CYP24A1: variants seen among roughly 807,000 people sequenced by gnomAD.
CYP24A1 encodes the protein 1,25-dihydroxyvitamin D(3) 24-hydroxylase, mitochondrial.
CYP24A1 carries 68 observed loss-of-function variants against 62.4 expected under a neutral mutation model. The observed-to-expected ratio is 1.09, with a 90% CI of 0.90 to 1.33. The LOEUF (loss-of-function observed/expected upper bound fraction) is 1.33, where lower values mean the gene tolerates loss of function less well. Among genes scored for constraint, CYP24A1 ranks in the 40% most tolerant of loss-of-function variants. The pLI is 0.00. For missense variants in CYP24A1, 787 were observed against 653.0 expected, an observed-to-expected ratio of 1.21 and a Z score of -2.24; for synonymous variants, 267 against 253.0, an observed-to-expected ratio of 1.06 and a Z score of -0.52.
At chr20:54,166,843 G>A (rs908964788) in intron 4 of CYP24A1, among the ~76,000 whole-genome samples, 1 of 152,022 alleles carries the variant, frequency 6.6e-6, no homozygotes, top group African/African-American at 2.4e-5. Flanking sequence ...AATAGCCTGG[G>A]CAACATGGCA....
At chr20:54,164,589 A>T (rs1161532863) in intron 5 of CYP24A1, 26 bp from the exon 6 acceptor site, 4 of 1,613,960 alleles carry the variant, frequency 2.5e-6, no homozygotes, top group Non-Finnish European at 3.4e-6. Flanking sequence ...ATGCCTTTTT[A>T]TTCTGAATTC....
Position 54,173,574 on chromosome 20 carries a change from G to T in CYP24A1, c.6C>A (p.Ser2Arg). The change falls in exon 1 of 12, where the codon AGC (serine) becomes AGA (arginine). Residue 2 changes from serine (S) to arginine (R), a missense_variant. Coordinates refer to ENST00000216862, the MANE Select transcript of CYP24A1 (RefSeq NM_000782.5). The surrounding 1 kb of genome is among the most constrained non-coding windows in gnomAD (Gnocchi z 7.2). MSSPISKSRSLA... is the reference protein window; with the variant it reads MRSPISKSRSLA... ...GCGAGCGGCTCTTGCTGATGGGGGA[G>T]CTCATGGCAGCGGGGGACACCGGAG... The T allele has an allele frequency of 6.3e-7, 1 of 1,575,680 alleles. No individual in the cohort carries two copies. Among genetic ancestry groups the T allele is most frequent in the Non-Finnish European group, 8.6e-7 (1 of 1,166,082 alleles).
chr20:54,171,360 C>T (rs1322148595), intron 3 of CYP24A1, among the ~76,000 whole-genome samples: 1 of 152,108 alleles, frequency 6.6e-6, no homozygotes, highest in Non-Finnish European at 1.5e-5. Flanking sequence ...ATTGCTCCCT[C>T]ATTGTGATAT....
At position 54,173,568 on chromosome 20, in the gene CYP24A1, G is replaced by T; in HGVS notation, c.12C>A (p.Pro4=). The change falls in exon 1 of 12, where the codon CCC becomes CCA. Residue 4 remains proline (P), a synonymous_variant. Coordinates refer to ENST00000216862, the MANE Select transcript of CYP24A1 (RefSeq NM_000782.5). The surrounding 1 kb of genome is among the most constrained non-coding windows in gnomAD (Gnocchi z 7.2). The part of the protein sequence containing the change: MSS[P]ISKSRSLAAF... ...CGGCAAGCGAGCGGCTCTTGCTGAT[G>T]GGGGAGCTCATGGCAGCGGGGGACA... The T allele has an allele frequency of 6.3e-7, 1 of 1,579,182 alleles. No homozygotes were observed. Among genetic ancestry groups the T allele is most frequent in the African/African-American group, 1.3e-5 (1 of 74,646 alleles).
At chr20:54,144,533 G>C in the CYP24A1 span, among the ~76,000 whole-genome samples, 2 of 151,664 alleles carry the variant, frequency 1.3e-5, no homozygotes, top group Non-Finnish European at 2.9e-5. Flanking sequence ...GAGATTACAA[G>C]TGTGAGCCAC....
intron 3 of CYP24A1, 60 bp from the exon 4 acceptor site, chr20:54,169,748 T>C (rs2092687776): frequency 1.2e-6 from 2 of 1,609,092 alleles, no homozygotes; most frequent in Non-Finnish European, 1.7e-6. Context: ...AACAAAACTT[T>C]AAAGCTCACT....
chr20:54,163,054 A>G (rs2146482233), intron 6 of CYP24A1, among the ~76,000 whole-genome samples, 192 bp from the exon 7 acceptor site: 1 of 152,360 alleles, frequency 6.6e-6, no homozygotes, highest in Admixed American at 6.5e-5. Context: ...CAATACCGAC[A>G]TGAGCAAGGC....
At position 54,164,721 on chromosome 20, in the gene CYP24A1, G is replaced by A. The variant is rs144524247; in HGVS notation, c.733-158C>T. On this transcript the variant is annotated intron_variant, in intron 5 of 11. Transcript: ENST00000216862. ...GGCTCTCTCTGCACCGGTCCTGGGAGCAATGCCCGTACCCCACCTCCACCT... is the reference window on the plus strand; with the variant it reads ...GGCTCTCTCTGCACCGGTCCTGGGAACAATGCCCGTACCCCACCTCCACCT... Among the ~76,000 whole-genome samples the A allele has an allele frequency of 2.9e-4, 44 of 152,046 alleles. No homozygotes were observed. The East Asian group carries it at 7.3e-3, about 25-fold the overall frequency.
chr20:54,157,121 G>A (rs1243753817), intron 11 of CYP24A1, 48 bp downstream of exon 11: 4 of 917,974 alleles, frequency 4.4e-6, no homozygotes, highest in South Asian at 2.8e-5. Context: ...CTCATCCCTC[G>A]TCATTCTCAC....
the CYP24A1 span, among the ~76,000 whole-genome samples, chr20:54,146,645 T>C: frequency 0.083 from 12,703 of 152,294 alleles, 662 homozygotes; most frequent in Middle Eastern, 0.17. Flanking sequence ...TCCCACAATA[T>C]GGGACATCCT....
At chr20:54,152,174 A>C (rs533111916), downstream of CYP24A1, among the ~76,000 whole-genome samples, 3 of 152,194 alleles carry the variant, frequency 2.0e-5, no homozygotes, top group African/African-American at 7.2e-5. Flanking sequence ...TGGCACCTGC[A>C]GCCTTCTTCA....
intron 11 of CYP24A1, 81 bp downstream of exon 11, chr20:54,157,088 G>T: frequency 2.7e-6 from 2 of 753,424 alleles, no homozygotes; most frequent in South Asian, 2.9e-5. Flanking sequence ...TCAAACCCCA[G>T]TCTGGCTGAC....
At chr20:54,172,410 A>AT (rs2092697111) in intron 2 of CYP24A1, among the ~76,000 whole-genome samples, 1 of 152,216 alleles carries the variant, frequency 6.6e-6, no homozygotes, top group South Asian at 2.1e-4. Flanking sequence ...CAACTTTGAT[A>AT]TCCCTCCTTA....
intron 9 of CYP24A1, 21 bp from the exon 10 acceptor site, chr20:54,157,606 A>G (rs1414514964): frequency 4.3e-6 from 6 of 1,385,786 alleles, no homozygotes; most frequent in Non-Finnish European, 4.1e-6. Flanking sequence ...GCAGAGACAC[A>G]TAGTATTTAA....
chr20:54,153,758 G>T lies in CYP24A1; in HGVS notation c.*1014C>A, dbSNP rs886056781. ...ACAATTTTTAAGTCTTATAAGTATTGCATGCATTTCTGTGCATTTTACATT... is the reference window on the plus strand; with the variant it reads ...ACAATTTTTAAGTCTTATAAGTATTTCATGCATTTCTGTGCATTTTACATT... On this transcript the variant is annotated 3_prime_UTR_variant, in exon 12 of 12. Coordinates refer to ENST00000216862, the MANE Select transcript of CYP24A1 (RefSeq NM_000782.5). The T allele has an allele frequency of 6.6e-6, 1 of 152,560 alleles. No individual in the cohort carries two copies. The highest frequency in any genetic ancestry group is 1.5e-5 in the Non-Finnish European group (1 of 68,032). The allele number at this position is 152,560 out of a possible 1,614,324, so 9.5% of individuals were successfully genotyped here. A position where few individuals can be genotyped will look rare whatever the true frequency, so the allele number is the denominator to read the frequency against.
downstream of CYP24A1, among the ~76,000 whole-genome samples, chr20:54,153,072 G>A (rs1036029519): frequency 6.6e-5 from 10 of 152,084 alleles, no homozygotes; most frequent in East Asian, 1.3e-3. Flanking sequence ...GAAATGGTTC[G>A]TAACCTCTAC....
chr20:54,153,154 T>C (rs2092615408), downstream of CYP24A1, among the ~76,000 whole-genome samples: 1 of 152,184 alleles, frequency 6.6e-6, no homozygotes, highest in Admixed American at 6.5e-5. Flanking sequence ...CAGGCCGTTC[T>C]ACCCCCCTTT....
chr20:54,168,809 TCCC>T (rs759922979), intron 4 of CYP24A1, among the ~76,000 whole-genome samples: 632 of 55,452 alleles, frequency 0.011, no homozygotes, highest in Middle Eastern at 0.029. Context: ...CCTCCCTCCC[TCCC>T]TCCCTCCTTC....
downstream of CYP24A1, among the ~76,000 whole-genome samples, chr20:54,153,131 G>C (rs559397251): frequency 1.3e-5 from 2 of 152,256 alleles, no homozygotes; most frequent in South Asian, 4.2e-4. Flanking sequence ...AGATACAAGA[G>C]AGAACAGGCT....
Sources: allele counts gnomAD v4.1 joint callset (sites outside exome capture counted in the v4.1 genomes callset), GRCh38; gene constraint gnomAD v4.1.1; non-coding constraint Gnocchi (gnomAD v3.1); transcripts MANE v1.5; gene names NCBI Gene and HGNC (gene_info 2026-07-23, HGNC 2026-07-21).